Variants in ANKFN1 observed in about 807,000 individuals in gnomAD.
ANKFN1 encodes ankyrin repeat and fibronectin type-III domain-containing protein 1.
A neutral mutation model predicts 108.7 loss-of-function variants in ANKFN1; 74 were observed. That is an observed-to-expected ratio of 0.68 (90% CI 0.56 to 0.83). The LOEUF is 0.83. Ranked by LOEUF, ANKFN1 falls within the 40% of genes least tolerant of loss-of-function variation. The probability of loss-of-function intolerance (pLI) is 0.00; values close to 1 mark genes in which losing one functional copy is unlikely to be tolerated. For missense variants in ANKFN1, 1,505 were observed against 1,382.3 expected (o/e 1.09, Z -1.41); for synonymous variants, 547 against 516.2 (o/e 1.06, Z -0.81).
intron 3 of ANKFN1, among the ~76,000 whole-genome samples, chr17:56,280,023 T>C (rs1339569028): frequency 3.3e-5 from 5 of 151,142 alleles, no homozygotes; most frequent in East Asian, 1.9e-4. Context: ...TTTTTTTTTT[T>C]TCTCAAGACG....
At chr17:56,178,806 C>T (rs1244475885) in intron 1 of ANKFN1, among the ~76,000 whole-genome samples, 1 of 152,108 alleles carries the variant, frequency 6.6e-6, no homozygotes, top group Non-Finnish European at 1.5e-5. Flanking sequence ...CATCATAAAG[C>T]ATTTGAAGGG....
At chr17:56,116,973 C>A (rs1906320253) in intron 4 of ANKFN1, among the ~76,000 whole-genome samples, 1 of 152,010 alleles carries the variant, frequency 6.6e-6, no homozygotes. Flanking sequence ...GAAAATTTAT[C>A]AATTATCTGT....
intron 1 of ANKFN1, among the ~76,000 whole-genome samples, chr17:56,160,326 C>T (rs756126770): frequency 4.5e-4 from 69 of 152,194 alleles, no homozygotes; most frequent in Admixed American, 5.9e-4. Context: ...ACAAACTCTG[C>T]AAGTTTCTAG....
intron 9 of ANKFN1, among the ~76,000 whole-genome samples, chr17:56,440,820 G>A (rs1160097510): frequency 1.3e-5 from 2 of 151,910 alleles, no homozygotes; most frequent in Admixed American, 6.6e-5. Context: ...CCTCAGCCTC[G>A]GTTGAGATCA....
At chr17:56,498,148 A>G (rs1371427590) in intron 19 of ANKFN1, among the ~76,000 whole-genome samples, 3 of 152,186 alleles carry the variant, frequency 2.0e-5, no homozygotes, top group African/African-American at 7.2e-5. Context: ...AAATGTAAGG[A>G]TGTTTAAATT....
At chr17:56,183,969 A>C (rs184411120) in intron 1 of ANKFN1, among the ~76,000 whole-genome samples, 1 of 152,314 alleles carries the variant, frequency 6.6e-6, no homozygotes, top group East Asian at 1.9e-4. Context: ...GAGTTGCTTC[A>C]TATGAATAAG....
chr17:56,377,192 C>T (rs758816292), intron 8 of ANKFN1, among the ~76,000 whole-genome samples: 58 of 152,154 alleles, frequency 3.8e-4, no homozygotes, highest in Non-Finnish European at 5.9e-5. Context: ...ATGTTTTCCT[C>T]CTTCATGCTT....
intron 18 of ANKFN1, among the ~76,000 whole-genome samples, chr17:56,485,988 G>T (rs2050843395): frequency 6.6e-6 from 1 of 152,188 alleles, no homozygotes; most frequent in Admixed American, 6.5e-5. Flanking sequence ...CTATGACAAA[G>T]AGATTAATAC....
intron 11 of ANKFN1, among the ~76,000 whole-genome samples, chr17:56,456,079 C>T (rs1294850514): frequency 6.6e-6 from 1 of 152,076 alleles, no homozygotes. Flanking sequence ...ATTCTCCAGA[C>T]TTTCTGTAAT....
At chr17:56,475,758 G>T (rs1432362697) in intron 15 of ANKFN1, among the ~76,000 whole-genome samples, 3 of 152,098 alleles carry the variant, frequency 2.0e-5, no homozygotes, top group African/African-American at 4.8e-5. Context: ...TTGTGGTAAG[G>T]CACCTGAACT....
chr17:56,270,337 C>G (rs760609486), intron 3 of ANKFN1, among the ~76,000 whole-genome samples: 1 of 152,230 alleles, frequency 6.6e-6, no homozygotes, highest in Non-Finnish European at 1.5e-5. Context: ...CAGCAAGAAA[C>G]AGACAAGGCT....
chr17:56,320,806 C>T (rs1401763200), intron 3 of ANKFN1, among the ~76,000 whole-genome samples: 1 of 152,138 alleles, frequency 6.6e-6, no homozygotes, highest in Non-Finnish European at 1.5e-5. Flanking sequence ...AAAAATGTGG[C>T]ACTGGAAAAT....
chr17:56,222,862 A>T (rs141138177), intron 2 of ANKFN1, among the ~76,000 whole-genome samples: 1 of 152,318 alleles, frequency 6.6e-6, no homozygotes, highest in Admixed American at 6.5e-5. Flanking sequence ...CAATTCTAAG[A>T]ACTACTTTAG....
At chr17:56,101,778 T>C (rs986585652) in intron 4 of ANKFN1, among the ~76,000 whole-genome samples, 1 of 152,160 alleles carries the variant, frequency 6.6e-6, no homozygotes, top group Non-Finnish European at 1.5e-5. Flanking sequence ...AGAAATAGTT[T>C]GAGAAGCACA....
chr17:56,209,038 G>C (rs1914761187), intron 1 of ANKFN1, among the ~76,000 whole-genome samples: 1 of 151,968 alleles, frequency 6.6e-6, no homozygotes, highest in African/African-American at 2.4e-5. Context: ...GACTTTAAGA[G>C]CATTTAAAAC....
intron 3 of ANKFN1, among the ~76,000 whole-genome samples, chr17:56,288,726 C>A (rs2044283993): frequency 6.6e-6 from 1 of 152,134 alleles, no homozygotes; most frequent in African/African-American, 2.4e-5. Context: ...AGAGGAAGAG[C>A]CTTTAGAGTA....
At chr17:56,079,474 G>A (rs952482784) in intron 4 of ANKFN1, among the ~76,000 whole-genome samples, 2 of 152,156 alleles carry the variant, frequency 1.3e-5, no homozygotes, top group Non-Finnish European at 2.9e-5. Context: ...GCTCCTGGAA[G>A]CTGACCTGCC....
At chr17:56,087,200 C>G (rs1229484429) in intron 4 of ANKFN1, among the ~76,000 whole-genome samples, 1 of 151,146 alleles carries the variant, frequency 6.6e-6, no homozygotes, top group Non-Finnish European at 1.5e-5. Context: ...TGACTATTTC[C>G]CAGGTCTTTC....
chr17:56,427,118 T>C (rs572822383), intron 8 of ANKFN1, among the ~76,000 whole-genome samples: 2 of 152,346 alleles, frequency 1.3e-5, no homozygotes, highest in South Asian at 2.1e-4. Flanking sequence ...TTCTTTTTTA[T>C]TTATCTTTAA....
Sources: gnomAD v4.1 joint callset for allele counts (sites outside exome capture counted in the v4.1 genomes callset) on GRCh38, gnomAD v4.1.1 for gene constraint, MANE v1.5 for transcripts, NCBI Gene and HGNC (gene_info 2026-07-23, HGNC 2026-07-21) for gene names.